STPG2: variants seen among roughly 807,000 people sequenced by gnomAD.
The protein encoded by STPG2 is sperm tail PG-rich repeat containing 2, also known as sperm-tail PG-rich repeat-containing protein 2.
Under a neutral mutation model 54.2 loss-of-function variants are expected in STPG2, and 56 were observed. The observed-to-expected ratio is 1.03, with a 90% CI of 0.83 to 1.29. STPG2 has a LOEUF of 1.29. Ranked by LOEUF, STPG2 falls within the 50% of genes most tolerant of loss-of-function variation. The pLI is 0.00. For synonymous variants in STPG2, 200 were observed against 181.8 expected, an observed-to-expected ratio of 1.10 and a Z score of -0.81; for missense variants, 596 against 544.9, an observed-to-expected ratio of 1.09 and a Z score of -0.93.
chr4:98,099,760 C>T (rs1738971297), intron 5 of STPG2, among the ~76,000 whole-genome samples: 1 of 151,840 alleles, frequency 6.6e-6, no homozygotes, highest in South Asian at 2.1e-4. Context: ...CTGCTATGTA[C>T]CTGCAAAGTT....
At chr4:97,966,982 A>G (rs1734125103) in intron 7 of STPG2, among the ~76,000 whole-genome samples, 1 of 152,146 alleles carries the variant, frequency 6.6e-6, no homozygotes, top group Non-Finnish European at 1.5e-5. Context: ...TAACATCATA[A>G]TGACAGGATC....
At chr4:97,472,305 A>AT (rs1037027254) in intron 4 of STPG2, among the ~76,000 whole-genome samples, 100 of 152,324 alleles carry the variant, frequency 6.6e-4, no homozygotes, top group Middle Eastern at 3.4e-3. Flanking sequence ...AGTTTAAGAG[A>AT]TAAAAACTCC....
At chr4:97,565,883 G>A (rs1174982379) in intron 10 of STPG2, among the ~76,000 whole-genome samples, 1 of 152,098 alleles carries the variant, frequency 6.6e-6, no homozygotes, top group Non-Finnish European at 1.5e-5. Flanking sequence ...AGAGGTCAGG[G>A]ATCAGGGACC....
chr4:97,988,906 G>C (rs574538265), intron 5 of STPG2, among the ~76,000 whole-genome samples: 4 of 152,130 alleles, frequency 2.6e-5, no homozygotes, highest in Non-Finnish European at 5.9e-5. Context: ...GAGCCACTGC[G>C]CCTGGCCAGC....
intron 8 of STPG2, among the ~76,000 whole-genome samples, chr4:97,935,257 T>G (rs1361894168): frequency 6.6e-6 from 1 of 152,180 alleles, no homozygotes; most frequent in Non-Finnish European, 1.5e-5. Context: ...TCCTCTTTAT[T>G]ATGCTAGCTA....
intron 8 of STPG2, among the ~76,000 whole-genome samples, chr4:97,848,026 C>A (rs556700367): frequency 7.9e-5 from 12 of 152,248 alleles, no homozygotes; most frequent in South Asian, 4.1e-4. Flanking sequence ...ATGCTAGTAG[C>A]CAATAAACTG....
At chr4:97,912,796 A>C (rs989779532) in intron 8 of STPG2, among the ~76,000 whole-genome samples, 3 of 152,240 alleles carry the variant, frequency 2.0e-5, no homozygotes, top group Admixed American at 2.0e-4. Flanking sequence ...GATGCCATGC[A>C]TTGGCATTTT....
At chr4:98,022,286 T>C (rs1303585937) in intron 5 of STPG2, among the ~76,000 whole-genome samples, 1 of 151,150 alleles carries the variant, frequency 6.6e-6, no homozygotes. Flanking sequence ...AAGCTTAGTT[T>C]GGCTGGATAT....
At chr4:98,006,580 T>C (rs1217581197) in intron 5 of STPG2, among the ~76,000 whole-genome samples, 1 of 152,164 alleles carries the variant, frequency 6.6e-6, no homozygotes, top group Non-Finnish European at 1.5e-5. Context: ...GTGTTGGGTC[T>C]GGAGCAGGGG....
intron 4 of STPG2, among the ~76,000 whole-genome samples, chr4:97,487,550 C>G (rs1207509933): frequency 6.6e-6 from 1 of 151,312 alleles, no homozygotes; most frequent in Non-Finnish European, 1.5e-5. Flanking sequence ...TTTTTTACAT[C>G]TTAACATCTC....
chr4:97,522,406 T>C (rs1416916276), intron 4 of STPG2, among the ~76,000 whole-genome samples: 1 of 152,054 alleles, frequency 6.6e-6, no homozygotes, highest in African/African-American at 2.4e-5. Context: ...TGTAGGTTTT[T>C]AAACTCATAA....
chr4:97,809,073 T>C (rs1011702029), intron 9 of STPG2, among the ~76,000 whole-genome samples: 4 of 152,056 alleles, frequency 2.6e-5, no homozygotes, highest in African/African-American at 2.4e-5. Context: ...GACAACATGA[T>C]TGGAAAATAA....
chr4:97,492,481 T>A lies in STPG2; in HGVS notation c.462+220218A>T, dbSNP rs1730522896. On this transcript the variant is annotated intron_variant, in intron 4 of 4. Coordinates refer to the STPG2 transcript ENST00000522676. ...TGTTGAAAACATGCAAGTTTAATTT[T>A]TCCTTTGAATGGAAACATTTAAACA... is the stretch of plus-strand genomic sequence containing the variant. 2.0e-5 allele frequency among the ~76,000 whole-genome samples: 3 copies of A among 151,542 alleles called. No homozygotes were observed. In the Admixed American group the frequency reaches 2.0e-4, roughly 10 times the overall value.
At chr4:97,706,645 G>T (rs575323774) in intron 10 of STPG2, among the ~76,000 whole-genome samples, 2 of 152,238 alleles carry the variant, frequency 1.3e-5, no homozygotes, top group African/African-American at 2.4e-5. Flanking sequence ...CCAACTTGGG[G>T]CAGGATGAAC....
chr4:98,040,702 T>C (rs1041075023), intron 5 of STPG2, among the ~76,000 whole-genome samples: 4 of 151,998 alleles, frequency 2.6e-5, no homozygotes, highest in African/African-American at 4.8e-5. Context: ...AGTACCATGC[T>C]ATTTTGGTTA....
intron 5 of STPG2, among the ~76,000 whole-genome samples, chr4:98,026,897 G>T (rs1736441934): frequency 6.6e-6 from 1 of 152,080 alleles, no homozygotes; most frequent in South Asian, 2.1e-4. Context: ...TCCATTATAA[G>T]TAGTTGACCA....
intron 10 of STPG2, among the ~76,000 whole-genome samples, chr4:97,671,599 T>G (rs1034738479): frequency 4.6e-5 from 7 of 152,276 alleles, no homozygotes; most frequent in African/African-American, 1.7e-4. Flanking sequence ...AATACATAAT[T>G]TGAAAACATG....
chr4:97,655,672 A>G (rs1368221158), intron 10 of STPG2, among the ~76,000 whole-genome samples: 1 of 152,124 alleles, frequency 6.6e-6, no homozygotes, highest in Non-Finnish European at 1.5e-5. Flanking sequence ...ATTCACTTGA[A>G]AGAGCTGGCA....
At chr4:98,003,621 G>A (rs529592350) in intron 5 of STPG2, among the ~76,000 whole-genome samples, 1 of 152,036 alleles carries the variant, frequency 6.6e-6, no homozygotes, top group South Asian at 2.1e-4. Context: ...TCTTCTTACT[G>A]GCATTAGATT....
Sources: allele counts gnomAD v4.1 joint callset (sites outside exome capture counted in the v4.1 genomes callset), GRCh38; gene constraint gnomAD v4.1.1; transcripts MANE v1.5; gene names NCBI Gene and HGNC (gene_info 2026-07-23, HGNC 2026-07-21).